Variants in PDE6C observed in about 807,000 individuals in gnomAD.
The protein encoded by PDE6C is phosphodiesterase 6C.
In PDE6C, 75 loss-of-function variants were observed where a neutral mutation model predicts 113.1. The observed-to-expected ratio is 0.66, with a 90% CI of 0.55 to 0.80. The LOEUF (loss-of-function observed/expected upper bound fraction) is 0.80, where lower values mean the gene tolerates loss of function less well. Among genes scored for constraint, PDE6C ranks in the 30% least tolerant of loss-of-function variants. The probability of loss-of-function intolerance (pLI) is 0.00; values close to 1 mark genes in which losing one functional copy is unlikely to be tolerated. For missense variants in PDE6C, 912 were observed against 1,038.6 expected (o/e 0.88, Z 1.67); for synonymous variants, 375 against 363.7 (o/e 1.03, Z -0.35).
chr10:93,655,659 A>AAATGTTGAAAGACTTTTAG, intron 15 of PDE6C, 101 bp from the exon 16 acceptor site: 1 of 718,804 alleles, frequency 1.4e-6, no homozygotes, highest in Non-Finnish European at 2.5e-6. Flanking sequence ...ACAAACAAAA[A>AAATGTTGAAAGACTTTTAG]AGTGTTGAAA....
intron 1 of PDE6C, among the ~76,000 whole-genome samples, chr10:93,618,223 A>G (rs1219785998): frequency 2.0e-5 from 3 of 152,198 alleles, no homozygotes; most frequent in Non-Finnish European, 2.9e-5. Flanking sequence ...CTCATTCAGG[A>G]AAGCCTAGAA....
intron 1 of PDE6C, 131 bp from the exon 2 acceptor site, chr10:93,620,501 G>T (rs377005803): frequency 1.9e-5 from 17 of 883,850 alleles, no homozygotes; most frequent in African/African-American, 1.8e-4. Context: ...TGTTTACTGG[G>T]GACCACTGTA....
At chr10:93,628,339 C>G (rs192955304) in intron 7 of PDE6C, among the ~76,000 whole-genome samples, 149 of 152,120 alleles carry the variant, frequency 9.8e-4, no homozygotes, top group African/African-American at 3.5e-3. Context: ...AATCGTAGCA[C>G]TTTGGGAGGC....
intron 16 of PDE6C, among the ~76,000 whole-genome samples, chr10:93,658,169 C>CAAAAAAAAAAAAAAAAAAAAAAAAAAAAA (rs71031527): frequency 3.3e-5 from 2 of 59,884 alleles, no homozygotes; most frequent in Non-Finnish European, 6.2e-5. Context: ...GATTCTGTCT[C>CAAAAAAAAAAAAAAAAAAAAAAAAAAAAA]AAAAAAAAAA....
At chr10:93,652,033 GTGCC>G (rs1277550658) in intron 15 of PDE6C, among the ~76,000 whole-genome samples, 1 of 152,084 alleles carries the variant, frequency 6.6e-6, no homozygotes, top group Non-Finnish European at 1.5e-5. Context: ...GTGTGTGTGT[GTGCC>G]TGTGTGTGTG....
At chr10:93,616,289 G>A (rs6583900) in intron 1 of PDE6C, among the ~76,000 whole-genome samples, 9,445 of 152,158 alleles carry the variant, frequency 0.062, 584 homozygotes, top group East Asian at 0.33. Context: ...GCGCAGGTGA[G>A]GGAAAGACTT....
At chr10:93,618,798 T>C (rs966055375) in intron 1 of PDE6C, among the ~76,000 whole-genome samples, 6 of 152,230 alleles carry the variant, frequency 3.9e-5, no homozygotes, top group African/African-American at 1.2e-4. Context: ...CTGTGAGTTC[T>C]ATTGGCCAAC....
chr10:93,624,767 C>CTAACA, intron 4 of PDE6C, among the ~76,000 whole-genome samples: 1 of 152,280 alleles, frequency 6.6e-6, no homozygotes, highest in East Asian at 1.9e-4. Flanking sequence ...CAAGGTAGGG[C>CTAACA]AGCGCTAGTA....
chr10:93,652,018 CAT>C (rs1491236334), intron 15 of PDE6C, among the ~76,000 whole-genome samples: 2 of 151,324 alleles, frequency 1.3e-5, no homozygotes. Context: ...TGTGTGTGTG[CAT>C]GTGTGTGTGT....
intron 1 of PDE6C, among the ~76,000 whole-genome samples, chr10:93,615,062 C>T (rs1228117207): frequency 1.3e-5 from 2 of 152,162 alleles, no homozygotes; most frequent in East Asian, 1.9e-4. Flanking sequence ...GAGGCCACGG[C>T]GGGTGGATGG....
At chr10:93,626,544 T>C in intron 5 of PDE6C, 96 bp from the exon 6 acceptor site, 1 of 720,204 alleles carries the variant, frequency 1.4e-6, no homozygotes, top group South Asian at 1.6e-5. Context: ...GGAAATAAGG[T>C]TCTATTTGTA....
intron 14 of PDE6C, among the ~76,000 whole-genome samples, chr10:93,642,828 T>A (rs1214514994): frequency 6.6e-6 from 1 of 152,236 alleles, no homozygotes; most frequent in Non-Finnish European, 1.5e-5. Flanking sequence ...CAGTGACTCC[T>A]CATCTTCAGC....
At position 93,637,023 on chromosome 10, in the gene PDE6C, T is replaced by G; in HGVS notation, c.1442T>G (p.Val481Gly). The change falls in exon 11 of 22, where the codon GTA becomes GGA. Residue 481 changes from valine (V) to glycine (G), a missense_variant. Coordinates refer to ENST00000371447, the MANE Select transcript of PDE6C (RefSeq NM_006204.4). ...LKFQEKLNVDVIDDCEEKQLV... is the reference protein window; with the variant it reads ...LKFQEKLNVDGIDDCEEKQLV... Reference sequence around the variant, plus strand: ...TTTCAAGAGAAGTTAAATGTTGATGTAATTGACGACTGTGAAGAAAAACAA... The same window carrying G: ...TTTCAAGAGAAGTTAAATGTTGATGGAATTGACGACTGTGAAGAAAAACAA... 6.2e-7 allele frequency: 1 copy of G among 1,603,830 alleles called. No individual in the cohort carries two copies.
At chr10:93,635,122 A>C (rs2058521654) in intron 9 of PDE6C, among the ~76,000 whole-genome samples, 2 of 152,150 alleles carry the variant, frequency 1.3e-5, no homozygotes, top group Admixed American at 6.5e-5. Flanking sequence ...AGCTTAACCA[A>C]AATTTGTAAT....
intron 7 of PDE6C, among the ~76,000 whole-genome samples, chr10:93,627,416 A>T (rs1479456004): frequency 1.3e-5 from 2 of 152,138 alleles, no homozygotes; most frequent in Non-Finnish European, 2.9e-5. Flanking sequence ...CCATCCCTCA[A>T]TTTCTTATTC....
At chr10:93,615,524 G>T (rs1310304763) in intron 1 of PDE6C, among the ~76,000 whole-genome samples, 2 of 152,172 alleles carry the variant, frequency 1.3e-5, no homozygotes, top group Admixed American at 6.5e-5. Context: ...TGGGACTACA[G>T]AGGTGCGCCA....
chr10:93,612,903 G>A lies in PDE6C; in HGVS notation c.178G>A (p.Ala60Thr), dbSNP rs2058398407. 1.9e-6 allele frequency: 3 copies of A among 1,614,070 alleles called. No individual in the cohort carries two copies. The South Asian group carries it at 3.3e-5, about 18-fold the overall frequency. Reference protein sequence around the residue: ...FSELTQVEESALCLELLWTVQ... With the variant: ...FSELTQVEESTLCLELLWTVQ... ...TGAGCTGACCCAGGTGGAGGAGTCA[G>A]CCCTGTGCTTGGAGCTGCTGTGGAC... The change falls in exon 1 of 22, where the codon GCC becomes ACC. Residue 60 changes from alanine (A) to threonine (T), a missense_variant. Transcript: ENST00000371447.
At chr10:93,641,642 T>G (rs577748197) in intron 14 of PDE6C, among the ~76,000 whole-genome samples, 1 of 152,092 alleles carries the variant, frequency 6.6e-6, no homozygotes, top group South Asian at 2.1e-4. Context: ...AGACTCTGTC[T>G]CGAAAAAAAT....
chr10:93,650,463 G>T (rs947263464), intron 15 of PDE6C, among the ~76,000 whole-genome samples: 1 of 152,124 alleles, frequency 6.6e-6, no homozygotes, highest in East Asian at 1.9e-4. Context: ...GCTTAGGCTG[G>T]TCTTGAACTC....
Sources: allele counts gnomAD v4.1 joint callset (sites outside exome capture counted in the v4.1 genomes callset), GRCh38; gene constraint gnomAD v4.1.1; transcripts MANE v1.5; gene names NCBI Gene and HGNC (gene_info 2026-07-23, HGNC 2026-07-21).